Variants in HLCS observed in about 807,000 individuals in gnomAD.
HLCS encodes holocarboxylase synthetase.
A neutral mutation model predicts 75.0 loss-of-function variants in HLCS; 53 were observed. That is an observed-to-expected ratio of 0.71 (90% CI 0.57 to 0.89). HLCS has a LOEUF of 0.89. HLCS is among the 40% of genes least tolerant of loss of function. HLCS has a pLI of 0.00. For synonymous variants in HLCS, 431 were observed against 428.6 expected (o/e 1.01, Z -0.07); for missense variants, 966 against 1,074.0 (o/e 0.90, Z 1.41).
intron 1 of HLCS, among the ~76,000 whole-genome samples, chr21:36,978,447 T>C (rs1382595121): frequency 6.6e-6 from 1 of 151,656 alleles, no homozygotes; most frequent in African/African-American, 2.4e-5. Flanking sequence ...TGAGCCAAGA[T>C]TGTGCCACTG....
intron 4 of HLCS, among the ~76,000 whole-genome samples, chr21:36,934,582 A>T (rs8128030): frequency 2.0e-5 from 3 of 152,370 alleles, no homozygotes; most frequent in African/African-American, 7.2e-5. Flanking sequence ...TGATCAGTAC[A>T]GCGAGCATAC....
At chr21:36,780,845 C>T (rs561357929) in intron 6 of HLCS, among the ~76,000 whole-genome samples, 4 of 152,200 alleles carry the variant, frequency 2.6e-5, no homozygotes, top group African/African-American at 9.6e-5. Flanking sequence ...CGTGTGTATA[C>T]ACAGTCAATG....
At chr21:36,827,012 C>T (rs2062028592) in intron 6 of HLCS, among the ~76,000 whole-genome samples, 1 of 152,088 alleles carries the variant, frequency 6.6e-6, no homozygotes, top group African/African-American at 2.4e-5. Flanking sequence ...TAGCAGGGTG[C>T]TACAAGGATG....
chr21:36,887,967 C>A (rs1294896075), intron 6 of HLCS, among the ~76,000 whole-genome samples: 1 of 152,196 alleles, frequency 6.6e-6, no homozygotes, highest in Non-Finnish European at 1.5e-5. Context: ...AATTAAACTA[C>A]AGAATTTTCC....
intron 6 of HLCS, among the ~76,000 whole-genome samples, chr21:36,769,104 C>G (rs778996742): frequency 6.6e-6 from 1 of 152,122 alleles, no homozygotes; most frequent in Non-Finnish European, 1.5e-5. Context: ...AAGGTTGGTT[C>G]AGAAACCAAA....
At chr21:36,958,754 A>C (rs1000398429) in intron 2 of HLCS, among the ~76,000 whole-genome samples, 2 of 149,388 alleles carry the variant, frequency 1.3e-5, no homozygotes, top group Non-Finnish European at 2.9e-5. Flanking sequence ...GCACCACTGC[A>C]CTCCAGCCTG....
chr21:36,985,290 T>G (rs1189678167), intron 1 of HLCS, among the ~76,000 whole-genome samples: 1 of 152,264 alleles, frequency 6.6e-6, no homozygotes, highest in Admixed American at 6.5e-5. Flanking sequence ...CTTTATTCCC[T>G]TTTAATCTGG....
chr21:36,961,106 G>A (rs1222628064), intron 2 of HLCS, among the ~76,000 whole-genome samples: 1 of 152,192 alleles, frequency 6.6e-6, no homozygotes, highest in Non-Finnish European at 1.5e-5. Flanking sequence ...GCCGGCTGGC[G>A]TGTTAATTTG....
At chr21:36,923,262 G>A (rs762046354) in intron 5 of HLCS, among the ~76,000 whole-genome samples, 2 of 152,132 alleles carry the variant, frequency 1.3e-5, no homozygotes, top group Non-Finnish European at 2.9e-5. Flanking sequence ...ATCCATACCC[G>A]CTCACACATG....
At chr21:36,763,002 G>A (rs145816168) in intron 8 of HLCS, among the ~76,000 whole-genome samples, 1 of 152,360 alleles carries the variant, frequency 6.6e-6, no homozygotes, top group East Asian at 1.9e-4. Flanking sequence ...TGTTGCTAGA[G>A]TTAATTTCTC....
chr21:36,844,599 G>A (rs2062730793), intron 6 of HLCS, among the ~76,000 whole-genome samples: 1 of 152,096 alleles, frequency 6.6e-6, no homozygotes, highest in African/African-American at 2.4e-5. Context: ...CTATTTTCAG[G>A]GTTTTGTGCT....
chr21:36,900,202 G>A (rs1569165909), intron 5 of HLCS, among the ~76,000 whole-genome samples: 1 of 152,166 alleles, frequency 6.6e-6, no homozygotes, highest in Admixed American at 6.5e-5. Flanking sequence ...ACAAAGGAGG[G>A]ACAAGAAAGC....
intron 6 of HLCS, among the ~76,000 whole-genome samples, chr21:36,772,638 C>CAAA (rs34788426): frequency 0.043 from 3,463 of 80,712 alleles, 76 homozygotes; most frequent in Middle Eastern, 0.083. Context: ...GACACTGTCT[C>CAAA]AAAAAAAAAA....
intron 5 of HLCS, among the ~76,000 whole-genome samples, chr21:36,900,664 G>A (rs949563117): frequency 2.2e-4 from 34 of 152,276 alleles, no homozygotes; most frequent in Admixed American, 1.4e-3. Context: ...AACAAGCAGA[G>A]AAACTAGTTA....
intron 2 of HLCS, among the ~76,000 whole-genome samples, chr21:36,959,751 C>T (rs1183610902): frequency 6.6e-6 from 1 of 152,254 alleles, no homozygotes. Context: ...CTCCTGAGAG[C>T]TGTTCTGCCA....
rs1353604184 is a variant in HLCS at position 36,751,058 on chromosome 21, C to T, written c.*3188G>A. The T allele has an allele frequency of 2.0e-5, 3 of 150,674 alleles. No homozygotes were observed. The East Asian group carries it at 5.8e-4, about 29-fold the overall frequency. 9.3% of individuals were successfully genotyped at this position (150,674 alleles called of 1,614,324 possible). A position where few individuals can be genotyped will look rare whatever the true frequency, so the allele number is the denominator to read the frequency against. ...CTTGGCTTCTTAATACTTGGAAATA[C>T]GTACATATTCCTTACTATGTAAAAC... On this transcript the variant is annotated 3_prime_UTR_variant, in exon 11 of 11. Transcript: ENST00000674895.
At chr21:36,946,696 A>G (rs960637367) in intron 2 of HLCS, among the ~76,000 whole-genome samples, 3 of 152,182 alleles carry the variant, frequency 2.0e-5, no homozygotes, top group African/African-American at 7.2e-5. Context: ...TTTATGGCCA[A>G]CTCACTAACC....
At chr21:36,804,421 C>T (rs891639364) in intron 6 of HLCS, among the ~76,000 whole-genome samples, 3 of 152,184 alleles carry the variant, frequency 2.0e-5, no homozygotes, top group Non-Finnish European at 4.4e-5. Context: ...CTGGGTTCCT[C>T]CATATACCAT....
At chr21:36,948,740 A>AAAAT (rs2067532029) in intron 2 of HLCS, among the ~76,000 whole-genome samples, 1 of 149,960 alleles carries the variant, frequency 6.7e-6, no homozygotes, top group African/African-American at 2.4e-5. Context: ...AAAAAAAAAA[A>AAAAT]AAAAAAAAAA....
Sources: allele counts gnomAD v4.1 joint callset (sites outside exome capture counted in the v4.1 genomes callset), GRCh38; gene constraint gnomAD v4.1.1; transcripts MANE v1.5; gene names NCBI Gene and HGNC (gene_info 2026-07-23, HGNC 2026-07-21).